The following GRM7 variants were observed in gnomAD, a reference collection of about 807,000 sequenced individuals.
GRM7 encodes the protein metabotropic glutamate receptor 7.
GRM7 carries 35 observed loss-of-function variants against 84.5 expected under a neutral mutation model. That is an observed-to-expected ratio of 0.41 (90% CI 0.32 to 0.55). The LOEUF is 0.55. GRM7 is among the 20% of genes least tolerant of loss of function. The pLI is 0.19. For missense variants in GRM7, 1,003 were observed against 1,194.6 expected (o/e 0.84, Z 2.36); for synonymous variants, 487 against 455.1 (o/e 1.07, Z -0.89).
rs1694739976 is a variant in GRM7 at position 7,164,528 on chromosome 3, CTA to C, written c.736+17862_736+17863del. ...CCATCTGTCCCACATGACATCCCCA[CTA>C]TGTCTCTAACTTCACCATTAACTTG... On this transcript the variant is annotated intron_variant, in intron 2 of 9. Coordinates refer to ENST00000357716, the MANE Select transcript of GRM7 (RefSeq NM_000844.4). 5.9e-5 allele frequency among the ~76,000 whole-genome samples: 9 copies of C among 152,342 alleles called. No individual in the cohort carries two copies. The South Asian group carries it at 1.9e-3, about 32-fold the overall frequency.
At chr3:7,720,794 A>C (rs1416287149) in intron 9 of GRM7, among the ~76,000 whole-genome samples, 1 of 152,354 alleles carries the variant, frequency 6.6e-6, no homozygotes, top group Non-Finnish European at 1.5e-5. Context: ...AGACAGCTGG[A>C]AAATGTTTGT....
At position 6,969,341 on chromosome 3, in the gene GRM7, T is replaced by A. The variant is rs148248313; in HGVS notation, c.519+107434T>A. Among the ~76,000 whole-genome samples, 1,443 of 152,306 alleles carry A rather than the reference T, an allele frequency of 9.5e-3. 22 individuals are homozygous for A. Among genetic ancestry groups the A allele is most frequent in the Non-Finnish European group, 9.7e-3 (660 of 68,026 alleles). ...TGTTTAGCTATAATATCTGTTTCCA[T>A]CTTCAAAATAGCAGGTAGTTATCAT... is the stretch of plus-strand genomic sequence containing the variant. On this transcript the variant is annotated intron_variant, in intron 1 of 9. Coordinates refer to ENST00000357716, the MANE Select transcript of GRM7 (RefSeq NM_000844.4).
At chr3:7,318,126 G>A (rs1700647021) in intron 4 of GRM7, among the ~76,000 whole-genome samples, 1 of 152,100 alleles carries the variant, frequency 6.6e-6, no homozygotes, top group South Asian at 2.1e-4. Context: ...TGAATCAACT[G>A]CTGCCAAAAC....
At chr3:7,314,649 T>C (rs187410855) in intron 4 of GRM7, among the ~76,000 whole-genome samples, 54 of 152,310 alleles carry the variant, frequency 3.5e-4, no homozygotes, top group Non-Finnish European at 6.3e-4. Context: ...ATTTTGGTCA[T>C]GTCTTTTTTT....
At chr3:7,152,147 A>G (rs1275421742) in intron 2 of GRM7, among the ~76,000 whole-genome samples, 1 of 152,126 alleles carries the variant, frequency 6.6e-6, no homozygotes, top group African/African-American at 2.4e-5. Flanking sequence ...CTTGCATTTC[A>G]TTTGTTTTGG....
chr3:7,467,968 T>G (rs1698530883), intron 7 of GRM7, among the ~76,000 whole-genome samples: 1 of 152,224 alleles, frequency 6.6e-6, no homozygotes, highest in Non-Finnish European at 1.5e-5. Context: ...ATATTGAATC[T>G]TTCACACTTA....
rs200798588 is a variant in GRM7, at chr3:7,604,149, A to AG, written c.2451+24793dup. On this transcript the variant is annotated intron_variant, in intron 8 of 9. Coordinates refer to ENST00000357716, the MANE Select transcript of GRM7 (RefSeq NM_000844.4). ...GGGTTTGTTCTTAAAAAAAAAAAAA[A>AG]GCATAACTTTCCATTGGAGATACTA... Among the ~76,000 whole-genome samples, 9 of 149,316 alleles carry AG rather than the reference A, an allele frequency of 6.0e-5. No homozygotes were observed. In the East Asian group the frequency reaches 1.6e-3, roughly 26 times the overall value.
rs1240830679 is a variant in GRM7 at position 7,370,234 on chromosome 3, G to C, written c.1034-44789G>C. ...TTTACTACAAACTAGTAAATTAAAA[G>C]TCTTTTCATAAGATCCCCAATGCCC... On this transcript the variant is annotated intron_variant, in intron 4 of 9. Coordinates refer to ENST00000357716, the MANE Select transcript of GRM7 (RefSeq NM_000844.4). 2.6e-5 allele frequency among the ~76,000 whole-genome samples: 4 copies of C among 152,112 alleles called. No homozygotes were observed. The South Asian group carries it at 8.3e-4, about 32-fold the overall frequency.
chr3:7,575,138 G>T (rs909434883), intron 7 of GRM7, among the ~76,000 whole-genome samples: 1 of 152,106 alleles, frequency 6.6e-6, no homozygotes, highest in African/African-American at 2.4e-5. Context: ...GTCAGTTTTT[G>T]CTATGAGATG....
chr3:7,031,249 G>A (rs1696171886), intron 1 of GRM7, among the ~76,000 whole-genome samples: 1 of 151,780 alleles, frequency 6.6e-6, no homozygotes, highest in Non-Finnish European at 1.5e-5. Flanking sequence ...AAAATACTAA[G>A]TCTCTTCACA....
At chr3:7,304,160 T>C (rs925137103) in intron 3 of GRM7, among the ~76,000 whole-genome samples, 4 of 152,086 alleles carry the variant, frequency 2.6e-5, no homozygotes, top group African/African-American at 9.7e-5. Flanking sequence ...AACTTAGGGT[T>C]CTAATTGCGG....
At chr3:7,071,353 C>T (rs1403400259) in intron 1 of GRM7, among the ~76,000 whole-genome samples, 1 of 152,096 alleles carries the variant, frequency 6.6e-6, no homozygotes, top group African/African-American at 2.4e-5. Context: ...CTGAGGGATT[C>T]AACTAGTTTT....
chr3:7,150,025 T>G (rs1395065843), intron 2 of GRM7, among the ~76,000 whole-genome samples: 2 of 152,192 alleles, frequency 1.3e-5, no homozygotes, highest in East Asian at 3.9e-4. Flanking sequence ...GTGAGCTATT[T>G]GCATTGTCCT....
chr3:7,719,462 C>A (rs958033615), intron 9 of GRM7, among the ~76,000 whole-genome samples: 16 of 152,096 alleles, frequency 1.1e-4, no homozygotes, highest in Admixed American at 3.3e-4. Flanking sequence ...TTAGACCTCT[C>A]TAGTAAGGAA....
At chr3:7,366,840 T>C (rs934541813) in intron 4 of GRM7, among the ~76,000 whole-genome samples, 8 of 150,620 alleles carry the variant, frequency 5.3e-5, no homozygotes, top group Non-Finnish European at 8.9e-5. Context: ...TGAAAAGGCA[T>C]GGGCCATTGA....
chr3:7,548,742 AGT>A (rs1408751168), intron 7 of GRM7, among the ~76,000 whole-genome samples: 1 of 152,114 alleles, frequency 6.6e-6, no homozygotes, highest in Non-Finnish European at 1.5e-5. Flanking sequence ...TTGAAGCACT[AGT>A]GTGTGGGCAT....
At chr3:7,654,472 T>A (rs1349402861) in intron 8 of GRM7, among the ~76,000 whole-genome samples, 1 of 152,200 alleles carries the variant, frequency 6.6e-6, no homozygotes, top group Non-Finnish European at 1.5e-5. Flanking sequence ...ACTCCTCAAA[T>A]GGAGGGAATC....
At chr3:7,548,390 A>G (rs1281480328) in intron 7 of GRM7, among the ~76,000 whole-genome samples, 1 of 152,226 alleles carries the variant, frequency 6.6e-6, no homozygotes, top group Non-Finnish European at 1.5e-5. Flanking sequence ...GAAGCCAAGC[A>G]GGTGCTAGTG....
intron 9 of GRM7, among the ~76,000 whole-genome samples, chr3:7,725,126 C>T (rs1036401154): frequency 6.6e-6 from 1 of 152,062 alleles, no homozygotes; most frequent in African/African-American, 2.4e-5. Context: ...CAAATTGGAA[C>T]ACTTCGAGAG....
Sources: gnomAD v4.1 joint callset for allele counts (sites outside exome capture counted in the v4.1 genomes callset) on GRCh38, gnomAD v4.1.1 for gene constraint, MANE v1.5 for transcripts, NCBI Gene and HGNC (gene_info 2026-07-23, HGNC 2026-07-21) for gene names.